The following IFT122 variants were observed in gnomAD, a reference collection of about 807,000 sequenced individuals.
The protein encoded by IFT122 is intraflagellar transport 122, also known as intraflagellar transport protein 122 homolog.
IFT122 carries 118 observed loss-of-function variants against 161.6 expected under a neutral mutation model. The observed-to-expected ratio is 0.73, with a 90% CI of 0.63 to 0.85. The LOEUF (loss-of-function observed/expected upper bound fraction) is 0.85, where lower values mean the gene tolerates loss of function less well. IFT122 is among the 40% of genes least tolerant of loss of function. The pLI is 0.00. For synonymous variants in IFT122, 550 were observed against 602.4 expected, an observed-to-expected ratio of 0.91 and a Z score of 1.27; for missense variants, 1,381 against 1,579.6, an observed-to-expected ratio of 0.87 and a Z score of 2.13.
chr3:129,483,400 T>C, intron 14 of IFT122, 85 bp from the exon 15 acceptor site: 1 of 1,136,682 alleles, frequency 8.8e-7, no homozygotes, highest in South Asian at 1.2e-5. Flanking sequence ...GATTCAGTCT[T>C]TAAGAGGGTA....
intron 20 of IFT122, 80 bp downstream of exon 20, chr3:129,502,962 G>T: frequency 7.3e-7 from 1 of 1,376,894 alleles, no homozygotes; most frequent in East Asian, 2.3e-5. Context: ...GGGCCCTTTG[G>T]GGTTCAGATG....
At chr3:129,458,573 A>G (rs1429339203) in intron 3 of IFT122, 26 bp from the exon 4 acceptor site, 5 of 1,583,288 alleles carry the variant, frequency 3.2e-6, no homozygotes, top group Non-Finnish European at 4.3e-6. Context: ...TAAATGTAAG[A>G]CTTTCCATTT....
chr3:129,455,104 A>G (rs546339211), intron 3 of IFT122, among the ~76,000 whole-genome samples: 3 of 151,926 alleles, frequency 2.0e-5, no homozygotes, highest in East Asian at 3.9e-4. Flanking sequence ...GAAGATTGAG[A>G]TACACTGAAT....
chr3:129,509,422 C>T (rs1178774543), intron 23 of IFT122, among the ~76,000 whole-genome samples: 1 of 152,210 alleles, frequency 6.6e-6, no homozygotes, highest in South Asian at 2.1e-4. Flanking sequence ...AGCCTCTCAT[C>T]TCCTTTGCAA....
chr3:129,440,275 T>G lies in IFT122; in HGVS notation c.-56T>G. 2 of 1,548,212 alleles carry G rather than the reference T, an allele frequency of 1.3e-6. No individual in the cohort carries two copies. The highest frequency in any genetic ancestry group is 2.4e-5 in the East Asian group (1 of 40,902). Reference sequence around the variant, plus strand: ...GAGTGGCGACCGTTAGTGAGGCGGTTGCTGAGACAGACGCTGAGGCGGGTA... The same window carrying G: ...GAGTGGCGACCGTTAGTGAGGCGGTGGCTGAGACAGACGCTGAGGCGGGTA... On this transcript the variant is annotated 5_prime_UTR_variant, in exon 1 of 30. Coordinates refer to ENST00000348417, the MANE Select transcript of IFT122 (RefSeq NM_052989.3).
At position 129,476,783 on chromosome 3, in the gene IFT122, C is replaced by T. The variant is rs749425816; in HGVS notation, c.1129C>T (p.Leu377=). The T allele has an allele frequency of 1.2e-6, 2 of 1,614,132 alleles. No homozygotes were observed. Among genetic ancestry groups the T allele is most frequent in the South Asian group, 1.1e-5 (1 of 91,072 alleles). Residue 377 remains leucine (L), a synonymous_variant, in exon 11 of 30, where the codon CTG becomes TTG. Transcript: ENST00000348417. The stretch of plus-strand genomic sequence containing the variant: ...CATGACTGACGTCATTGTGCAGCAC[C>T]TGATCACTGAGCAGAAAGGTAAGAG... ...DSMTDVIVQH[L]ITEQKVRIKC... is the part of the protein sequence containing the mutation.
At chr3:129,511,486 A>G (rs1293811425) in intron 23 of IFT122, among the ~76,000 whole-genome samples, 3 of 152,342 alleles carry the variant, frequency 2.0e-5, no homozygotes, top group Admixed American at 2.0e-4. Context: ...CTCACAAGAA[A>G]GAGGAGTTAC....
chr3:129,448,718 G>C (rs1366977308), intron 1 of IFT122, among the ~76,000 whole-genome samples: 1 of 151,242 alleles, frequency 6.6e-6, no homozygotes. Context: ...TTGAGACGGA[G>C]TCTTCCTCCG....
intron 1 of IFT122, among the ~76,000 whole-genome samples, chr3:129,447,844 A>AT (rs1184763896): frequency 1.3e-5 from 2 of 152,128 alleles, no homozygotes; most frequent in Non-Finnish European, 2.9e-5. Flanking sequence ...CTGTGTTGAT[A>AT]TTAATGCCGG....
chr3:129,519,296 C>A, intron 28 of IFT122, 110 bp downstream of exon 28: 1 of 1,126,156 alleles, frequency 8.9e-7, no homozygotes, highest in South Asian at 1.3e-5. Context: ...GCCAGAACTT[C>A]CAGATGTGGT....
intron 25 of IFT122, chr3:129,514,810 TTGCCCTCCCCTA>T: frequency 1.7e-6 from 1 of 582,854 alleles, no homozygotes; most frequent in Non-Finnish European, 3.1e-6. Context: ...CCCTTGCTCC[TTGCCCTCCCCTA>T]GGCAAGCCCC....
intron 4 of IFT122, chr3:129,459,464 T>C (rs2075929734): frequency 3.1e-6 from 1 of 324,220 alleles, no homozygotes; most frequent in African/African-American, 2.3e-5. Flanking sequence ...TAATTTTTTG[T>C]ATTTTTAGTA....
Position 129,514,529 on chromosome 3 carries a change from G to A in IFT122, c.3128G>A (p.Arg1043His), listed in dbSNP as rs576743578. ...KSIELGTLTIRAKPFHDSEEL... is the reference protein window; with the variant it reads ...KSIELGTLTIHAKPFHDSEEL... Reference sequence around the variant, plus strand: ...ATTGAGCTGGGTACCCTGACCATCCGCGCCAAGCCCTTCCACGACAGTGAG... The same window carrying A: ...ATTGAGCTGGGTACCCTGACCATCCACGCCAAGCCCTTCCACGACAGTGAG... Residue 1043 changes from arginine (R) to histidine (H), a missense_variant, in exon 25 of 30, where the codon CGC becomes CAC. Transcript: ENST00000348417. 5.4e-5 allele frequency: 87 copies of A among 1,614,180 alleles called. No homozygotes were observed. Among genetic ancestry groups the A allele is most frequent in the Non-Finnish European group, 7.0e-5 (83 of 1,180,040 alleles).
chr3:129,473,449 C>T (rs1398292658), intron 9 of IFT122, among the ~76,000 whole-genome samples: 1 of 152,110 alleles, frequency 6.6e-6, no homozygotes, highest in Admixed American at 6.5e-5. Context: ...GTCATAAAGA[C>T]TCATATCCAT....
At chr3:129,515,351 C>T (rs547211625) in intron 25 of IFT122, 137 bp from the exon 26 acceptor site, 79 of 737,430 alleles carry the variant, frequency 1.1e-4, no homozygotes, top group African/African-American at 7.8e-4. Flanking sequence ...CTCCTGGGCC[C>T]GGCGCCCCTT....
chr3:129,441,261 C>T (rs531110206), intron 1 of IFT122, among the ~76,000 whole-genome samples: 1 of 152,158 alleles, frequency 6.6e-6, no homozygotes, highest in East Asian at 1.9e-4. Flanking sequence ...GGTTCTGTCC[C>T]TTCTGAGATC....
In IFT122 at chr3:129,517,476, A is replaced by T; in HGVS notation, c.3273A>T (p.Leu1091=). The T allele has an allele frequency of 6.2e-7, 1 of 1,613,650 alleles. No homozygotes were observed. The highest frequency in any genetic ancestry group is 8.5e-7 in the Non-Finnish European group (1 of 1,179,726). Reference sequence around the variant, plus strand: ...TTTCTCTATGCCCTCCAGACGTGCTACACCTGGTTGAGTTCTACCTGGAGG... The same window carrying T: ...TTTCTCTATGCCCTCCAGACGTGCTTCACCTGGTTGAGTTCTACCTGGAGG... ...FIFSASSYDV[L]HLVEFYLEEG... Residue 1091 remains leucine, a synonymous_variant, in exon 27 of 30, where the codon CTA becomes CTT. Coordinates refer to ENST00000348417, the MANE Select transcript of IFT122 (RefSeq NM_052989.3).
intron 20 of IFT122, 42 bp downstream of exon 20, chr3:129,502,924 G>A: frequency 6.3e-7 from 1 of 1,597,494 alleles, no homozygotes; most frequent in Non-Finnish European, 8.5e-7. Context: ...CCCCACCTGA[G>A]CCCTGGGACA....
intron 17 of IFT122, 43 bp downstream of exon 17, chr3:129,492,237 G>A (rs1485697961): frequency 1.3e-6 from 2 of 1,494,876 alleles, no homozygotes; most frequent in Non-Finnish European, 1.9e-6. Flanking sequence ...GGCATACTTG[G>A]GGTTCCTGTT....
Sources: gnomAD v4.1 joint callset for allele counts (sites outside exome capture counted in the v4.1 genomes callset) on GRCh38, gnomAD v4.1.1 for gene constraint, MANE v1.5 for transcripts, NCBI Gene and HGNC (gene_info 2026-07-23, HGNC 2026-07-21) for gene names.